SP1: variants seen among roughly 807,000 people sequenced by gnomAD.
SP1 encodes the protein Sp1 transcription factor, also known as transcription factor Sp1.
Under a neutral mutation model 66.3 loss-of-function variants are expected in SP1, and 6 were observed. The observed-to-expected ratio is 0.09, with a 90% CI of 0.05 to 0.18. The LOEUF is 0.18. Among genes scored for constraint, SP1 ranks in the 10% least tolerant of loss-of-function variants. The pLI, the probability that SP1 is intolerant of heterozygous loss-of-function variation, is 1.00. For synonymous variants in SP1, 417 were observed against 360.8 expected, an observed-to-expected ratio of 1.16 and a Z score of -1.77; for missense variants, 848 against 964.5, an observed-to-expected ratio of 0.88 and a Z score of 1.60.
chr12:53,387,401 G>A (rs1248071975), intron 3 of SP1, among the ~76,000 whole-genome samples: 1 of 152,140 alleles, frequency 6.6e-6, no homozygotes, highest in Non-Finnish European at 1.5e-5. Flanking sequence ...TAAATCTAGG[G>A]GGAAAGTCTG....
intron 4 of SP1, among the ~76,000 whole-genome samples, chr12:53,407,154 C>G (rs1435339906): frequency 6.7e-6 from 1 of 149,542 alleles, no homozygotes. Flanking sequence ...GGATTTAAGA[C>G]TCAGAGCTGG....
At chr12:53,402,426 C>G (rs1938626651) in intron 3 of SP1, among the ~76,000 whole-genome samples, 1 of 150,296 alleles carries the variant, frequency 6.7e-6, no homozygotes, top group Non-Finnish European at 1.5e-5. Context: ...GTTTCACCAT[C>G]TTGGCCAGGC....
At position 53,416,190 on chromosome 12, in the gene SP1, A is replaced by G. The variant is rs1938993080; in HGVS notation, c.*4950A>G. The G allele has an allele frequency of 6.5e-6, 1 of 153,152 alleles. No individual in the cohort carries two copies. Among genetic ancestry groups the G allele is most frequent in the Non-Finnish European group, 1.5e-5 (1 of 68,526 alleles). The allele number at this position is 153,152 out of a possible 1,614,324, so 9.5% of individuals were successfully genotyped here. A position where few individuals can be genotyped will look rare whatever the true frequency, so the allele number is the denominator to read the frequency against. ...CAATTATCACCAGGGCTGTGTGGGTAAATGCTTTTAAATGCTCTCTCATCT... is the reference window on the plus strand; with the variant it reads ...CAATTATCACCAGGGCTGTGTGGGTGAATGCTTTTAAATGCTCTCTCATCT... On this transcript the variant is annotated 3_prime_UTR_variant, in exon 6 of 6. Coordinates refer to ENST00000327443, the MANE Select transcript of SP1 (RefSeq NM_138473.3).
intron 3 of SP1, among the ~76,000 whole-genome samples, chr12:53,390,541 G>A (rs563595987): frequency 1.6e-4 from 25 of 152,092 alleles, no homozygotes; most frequent in Non-Finnish European, 3.2e-4. Context: ...AAATCAGCCG[G>A]GCATGGCGGC....
intron 3 of SP1, among the ~76,000 whole-genome samples, chr12:53,393,620 G>T (rs1429396011): frequency 4.7e-5 from 7 of 147,696 alleles, no homozygotes; most frequent in African/African-American, 1.8e-4. Context: ...ATTTTGAGAC[G>T]GAATTCTCCT....
chr12:53,406,857 C>G lies in SP1; in HGVS notation c.1844+104C>G. ...TTTTTTTTTTTGAGACCGAGTCTGA[C>G]TCTGTTGCCCAGGCTGGAGTGCAGT... On this transcript the variant is annotated intron_variant, in intron 4 of 5. Coordinates refer to ENST00000327443, the MANE Select transcript of SP1 (RefSeq NM_138473.3). 3.1e-6 allele frequency: 3 copies of G among 980,246 alleles called. No individual in the cohort carries two copies. The East Asian group carries it at 8.2e-5, about 27-fold the overall frequency. The allele number at this position is 980,246 out of a possible 1,614,324, so 60.7% of individuals were successfully genotyped here. A position where few individuals can be genotyped will look rare whatever the true frequency, so the allele number is the denominator to read the frequency against.
Position 53,383,459 on chromosome 12 carries a change from C to T in SP1, c.1512C>T (p.Pro504=), listed in dbSNP as rs137928605. ...QTSSSNTTLT[P]IASAASIPAG... ...GCAGCAGCAACACCACTCTCACACC[C>T]ATTGCCTCAGCTGCTTCCATTCCTG... Residue 504 remains proline, a synonymous_variant, in exon 3 of 6, where the codon CCC becomes CCT. Coordinates refer to ENST00000327443, the MANE Select transcript of SP1 (RefSeq NM_138473.3). The T allele has an allele frequency of 6.2e-7, 1 of 1,614,116 alleles. No homozygotes were observed. The highest frequency in any genetic ancestry group is 1.1e-5 in the South Asian group (1 of 91,090).
intron 3 of SP1, among the ~76,000 whole-genome samples, chr12:53,398,199 A>G (rs540215555): frequency 6.6e-6 from 1 of 152,338 alleles, no homozygotes; most frequent in South Asian, 2.1e-4. Flanking sequence ...AGTATTAGCT[A>G]TTCTTTGTAC....
At chr12:53,381,926 T>A in intron 2 of SP1, 113 bp downstream of exon 2, 1 of 1,277,768 alleles carries the variant, frequency 7.8e-7, no homozygotes, top group Non-Finnish European at 1.1e-6. Flanking sequence ...ATTTTATAGA[T>A]AAGGAAGTAA....
chr12:53,401,186 A>G (rs988240898), intron 3 of SP1, among the ~76,000 whole-genome samples: 5 of 151,648 alleles, frequency 3.3e-5, no homozygotes, highest in African/African-American at 1.2e-4. Context: ...GCACGGTGGC[A>G]CGTGCCGTAA....
rs369119261 is a variant in SP1 at position 53,401,458 on chromosome 12, A to G, written c.1676-5127A>G. Among the ~76,000 whole-genome samples, 178 of 91,350 alleles carry G rather than the reference A, an allele frequency of 1.9e-3. 1 individual carries two copies. Among genetic ancestry groups the G allele is most frequent in the African/African-American group, 3.9e-3 (91 of 23,524 alleles). 59.9% of individuals were successfully genotyped at this position (91,350 alleles called of 152,430 possible). ...AAGAGCAAGACTCCATCTATCTGGGAAAAAAAAAAAAAAAAAAAAGCTTTG... is the reference window on the plus strand; with the variant it reads ...AAGAGCAAGACTCCATCTATCTGGGGAAAAAAAAAAAAAAAAAAAGCTTTG... On this transcript the variant is annotated intron_variant, in intron 3 of 5. Coordinates refer to ENST00000327443, the MANE Select transcript of SP1 (RefSeq NM_138473.3).
At chr12:53,398,473 G>C (rs1004015646) in intron 3 of SP1, among the ~76,000 whole-genome samples, 1 of 152,168 alleles carries the variant, frequency 6.6e-6, no homozygotes, top group Admixed American at 6.5e-5. Flanking sequence ...AGTAGAGACA[G>C]GGTTTCACCA....
At chr12:53,410,390 C>T (rs974340066) in intron 5 of SP1, among the ~76,000 whole-genome samples, 3 of 152,196 alleles carry the variant, frequency 2.0e-5, no homozygotes, top group African/African-American at 7.2e-5. Context: ...CTCTTAGTCT[C>T]TGCCCTGCCT....
intron 3 of SP1, among the ~76,000 whole-genome samples, chr12:53,400,655 C>G (rs1445505228): frequency 6.6e-6 from 1 of 151,624 alleles, no homozygotes; most frequent in African/African-American, 2.4e-5. Context: ...GTGGTACGCT[C>G]TAGGCTCACT....
At chr12:53,407,032 C>A (rs572685604) in intron 4 of SP1, among the ~76,000 whole-genome samples, 1 of 151,664 alleles carries the variant, frequency 6.6e-6, no homozygotes, top group African/African-American at 2.4e-5. Context: ...CACTGTGTTA[C>A]CCAGGATGGT....
intron 3 of SP1, among the ~76,000 whole-genome samples, chr12:53,397,759 G>GA (rs1938522392): frequency 6.6e-6 from 1 of 151,788 alleles, no homozygotes; most frequent in Non-Finnish European, 1.5e-5. Flanking sequence ...TCACCATGTT[G>GA]GCCTGGCTGG....
intron 3 of SP1, among the ~76,000 whole-genome samples, chr12:53,405,560 C>G (rs1167357153): frequency 3.3e-5 from 5 of 151,996 alleles, no homozygotes; most frequent in Non-Finnish European, 2.9e-5. Flanking sequence ...GTTGCAGCTA[C>G]TTGGGAGGCT....
intron 3 of SP1, among the ~76,000 whole-genome samples, chr12:53,386,583 C>A (rs1185357140): frequency 6.7e-6 from 1 of 148,844 alleles, no homozygotes; most frequent in African/African-American, 2.5e-5. Context: ...CCTCCCCTTC[C>A]TGAGTTCCAG....
chr12:53,403,569 G>A (rs991479595), intron 3 of SP1, among the ~76,000 whole-genome samples: 2 of 150,240 alleles, frequency 1.3e-5, no homozygotes, highest in African/African-American at 2.5e-5. Context: ...TGCCCAGACC[G>A]ATCTCAAACT....
Sources: gnomAD v4.1 joint callset for allele counts (sites outside exome capture counted in the v4.1 genomes callset) on GRCh38, gnomAD v4.1.1 for gene constraint, MANE v1.5 for transcripts, NCBI Gene and HGNC (gene_info 2026-07-23, HGNC 2026-07-21) for gene names.